Variants in CERS3 observed in about 807,000 individuals in gnomAD.
CERS3 encodes ceramide synthase 3.
A neutral mutation model predicts 50.3 loss-of-function variants in CERS3; 33 were observed. The observed-to-expected ratio is 0.66, with a 90% CI of 0.50 to 0.88. The LOEUF (loss-of-function observed/expected upper bound fraction) is 0.88. Among genes scored for constraint, CERS3 ranks in the 40% least tolerant of loss-of-function variants. The probability of loss-of-function intolerance (pLI) is 0.00; values close to 1 mark genes in which losing one functional copy is unlikely to be tolerated. For missense variants in CERS3, 470 were observed against 460.3 expected, an observed-to-expected ratio of 1.02 and a Z score of -0.19; for synonymous variants, 176 against 155.2, an observed-to-expected ratio of 1.13 and a Z score of -0.99.
At chr15:100,466,853 C>CTCTTTCTT (rs374764051) in intron 10 of CERS3, among the ~76,000 whole-genome samples, 12,113 of 104,612 alleles carry the variant, frequency 0.12, 2,105 homozygotes, top group East Asian at 0.37. Flanking sequence ...CTCTCTTTCT[C>CTCTTTCTT]TCTTTCTTTC....
chr15:100,543,311 G>A (rs1308656875), intron 1 of CERS3, among the ~76,000 whole-genome samples: 1 of 152,140 alleles, frequency 6.6e-6, no homozygotes, highest in African/African-American at 2.4e-5. Flanking sequence ...CACTTACGCT[G>A]CCCAAACCAA....
chr15:100,431,717 A>C (rs2033143933), intron 11 of CERS3, among the ~76,000 whole-genome samples: 1 of 152,206 alleles, frequency 6.6e-6, no homozygotes, highest in Non-Finnish European at 1.5e-5. Context: ...AGAATCATTT[A>C]GTGGAAGAAG....
chr15:100,466,775 T>C (rs1218334161), intron 10 of CERS3, among the ~76,000 whole-genome samples: 654 of 23,474 alleles, frequency 0.028, 25 homozygotes, highest in African/African-American at 0.046. Context: ...CTTCCTTCCT[T>C]CCTTCCTTCC....
At chr15:100,489,516 T>C (rs1427196417) in intron 4 of CERS3, among the ~76,000 whole-genome samples, 1 of 152,174 alleles carries the variant, frequency 6.6e-6, no homozygotes, top group Non-Finnish European at 1.5e-5. Context: ...ATAGCAAGGA[T>C]AGCAACGAAT....
chr15:100,535,251 T>G (rs1407281816), intron 1 of CERS3, among the ~76,000 whole-genome samples: 1 of 152,258 alleles, frequency 6.6e-6, no homozygotes, highest in Non-Finnish European at 1.5e-5. Flanking sequence ...GCATATAGAC[T>G]TAGTTTCTCC....
chr15:100,432,132 A>G lies in CERS3; in HGVS notation c.999+23761T>C, dbSNP rs540235422. On this transcript the variant is annotated intron_variant, in intron 11 of 11. Transcript: ENST00000679737. Reference sequence around the variant, plus strand: ...CCAGGCTAGATTGTGCAGTGGGGCAATCATGGCTCACTGAAGCCTTGACTT... The same window carrying G: ...CCAGGCTAGATTGTGCAGTGGGGCAGTCATGGCTCACTGAAGCCTTGACTT... 2.1e-4 allele frequency among the ~76,000 whole-genome samples: 32 copies of G among 151,878 alleles called. No individual in the cohort carries two copies. The South Asian group carries it at 5.6e-3, about 27-fold the overall frequency.
chr15:100,410,308 G>A (rs2031379952), intron 11 of CERS3, among the ~76,000 whole-genome samples: 1 of 152,150 alleles, frequency 6.6e-6, no homozygotes, highest in South Asian at 2.1e-4. Context: ...CACTCAACAG[G>A]ACCAGTACTG....
chr15:100,479,434 G>GGGATAGCCATTCCA lies in CERS3; in HGVS notation c.496_509dup (p.Lys171GlyfsTer19). ...TATGTTATAGTGGACTTACCTGTTTGGGATAGCCATTCCAAACCTCCCATA... is the reference window on the plus strand; with the variant it reads ...TATGTTATAGTGGACTTACCTGTTTGGGATAGCCATTCCAGGATAGCCATTCCAAACCTCCCATA... On this transcript the variant is annotated frameshift_variant, in exon 7 of 12. Transcript: ENST00000679737. LOFTEE classifies it high-confidence loss of function. The GGGATAGCCATTCCA allele has an allele frequency of 6.2e-7, 1 of 1,604,564 alleles. No individual in the cohort carries two copies. The highest frequency in any genetic ancestry group is 1.1e-5 in the South Asian group (1 of 88,976).
In CERS3 at chr15:100,509,948, G is replaced by A. The variant is rs184049071; in HGVS notation, c.-1-8098C>T. ...AGTTGTCAAACAATTCTTAAAATTT[G>A]GTTAAAGGGTCGGGTAAACATGTTT... On this transcript the variant is annotated intron_variant, in intron 2 of 11. Coordinates refer to ENST00000679737, the MANE Select transcript of CERS3 (RefSeq NM_001378789.1). Among the ~76,000 whole-genome samples the A allele has an allele frequency of 4.0e-5, 6 of 151,550 alleles. No individual in the cohort carries two copies. The East Asian group carries it at 9.7e-4, about 25-fold the overall frequency.
intron 11 of CERS3, among the ~76,000 whole-genome samples, chr15:100,421,647 C>T (rs1367629793): frequency 6.7e-6 from 1 of 149,788 alleles, no homozygotes; most frequent in Non-Finnish European, 1.5e-5. Flanking sequence ...GCCAAAAGAA[C>T]AAAGCTGGAG....
intron 2 of CERS3, among the ~76,000 whole-genome samples, chr15:100,518,263 G>C (rs1463120211): frequency 1.3e-5 from 2 of 152,148 alleles, no homozygotes; most frequent in African/African-American, 4.8e-5. Context: ...CTGAGACAGA[G>C]AGAGGGACAA....
chr15:100,417,125 G>T (rs894245764), intron 11 of CERS3, among the ~76,000 whole-genome samples: 7 of 152,184 alleles, frequency 4.6e-5, no homozygotes, highest in Non-Finnish European at 7.4e-5. Context: ...CTCCCAGCGT[G>T]AGCGACGCAG....
chr15:100,410,749 G>A (rs1040775464), intron 11 of CERS3, among the ~76,000 whole-genome samples: 6 of 152,192 alleles, frequency 3.9e-5, no homozygotes, highest in Non-Finnish European at 8.8e-5. Context: ...CAAGACAACA[G>A]CCCTGACTTC....
At chr15:100,467,797 A>ATATATATACGTCTATATATATGTG (rs2034805646) in intron 10 of CERS3, among the ~76,000 whole-genome samples, 1 of 99,282 alleles carries the variant, frequency 1.0e-5, no homozygotes, top group Non-Finnish European at 2.3e-5. Flanking sequence ...ATATATATGT[A>ATATATATACGTCTATATATATGTG]TATATATATA....
At chr15:100,499,283 C>A (rs1161454151) in intron 3 of CERS3, among the ~76,000 whole-genome samples, 1 of 152,142 alleles carries the variant, frequency 6.6e-6, no homozygotes, top group African/African-American at 2.4e-5. Flanking sequence ...AATCACACTT[C>A]AGACACATAA....
chr15:100,406,653 T>C (rs150058876), intron 11 of CERS3, among the ~76,000 whole-genome samples: 101 of 152,282 alleles, frequency 6.6e-4, no homozygotes, highest in African/African-American at 2.4e-3. Context: ...TCTGATATGC[T>C]GGGAGCCAGG....
rs571179637 is a variant in CERS3, at chr15:100,401,255, G to C, written c.*1458C>G. ...TATGAGAGACTGTGCCAGGTGGTGA[G>C]GACAGATGCAGATTTTACTCAGGGT... On this transcript the variant is annotated 3_prime_UTR_variant, in exon 12 of 12. Transcript: ENST00000679737. 98 of 152,342 alleles carry C rather than the reference G, an allele frequency of 6.4e-4. 1 individual carries two copies. Among genetic ancestry groups the C allele is most frequent in the African/African-American group, 2.3e-3 (96 of 41,564 alleles). 9.4% of individuals were successfully genotyped at this position (152,342 alleles called of 1,614,324 possible).
At chr15:100,500,400 G>A (rs1265902884) in intron 3 of CERS3, 1 of 152,216 alleles carries the variant, frequency 6.6e-6, no homozygotes, top group African/African-American at 2.4e-5. Context: ...GACGTAACAA[G>A]CTGGTCCTCC....
intron 1 of CERS3, among the ~76,000 whole-genome samples, chr15:100,526,553 T>G (rs970325470): frequency 9.3e-5 from 14 of 149,738 alleles, no homozygotes; most frequent in African/African-American, 3.2e-4. Context: ...AACTGACTTT[T>G]GAAAAAGAAG....
Sources: gnomAD v4.1 joint callset for allele counts (sites outside exome capture counted in the v4.1 genomes callset) on GRCh38, gnomAD v4.1.1 for gene constraint, MANE v1.5 for transcripts, NCBI Gene and HGNC (gene_info 2026-07-23, HGNC 2026-07-21) for gene names.